HS6ST3: variants seen among roughly 807,000 people sequenced by gnomAD.
HS6ST3 encodes the protein heparan sulfate 6-O-sulfotransferase 3, also known as heparan-sulfate 6-O-sulfotransferase 3.
Under a neutral mutation model 36.7 loss-of-function variants are expected in HS6ST3, and 12 were observed. The observed-to-expected ratio is 0.33, with a 90% CI of 0.21 to 0.53. The LOEUF (loss-of-function observed/expected upper bound fraction) is 0.53, where lower values mean the gene tolerates loss of function less well. Among genes scored for constraint, HS6ST3 ranks in the 20% least tolerant of loss-of-function variants. HS6ST3 has a pLI of 0.95. For missense variants in HS6ST3, 584 were observed against 640.9 expected (o/e 0.91, Z 0.96); for synonymous variants, 240 against 257.5 (o/e 0.93, Z 0.65).
intron 1 of HS6ST3, among the ~76,000 whole-genome samples, chr13:96,746,652 T>G (rs1354526330): frequency 6.6e-6 from 1 of 152,116 alleles, no homozygotes; most frequent in Non-Finnish European, 1.5e-5. Flanking sequence ...GAGTCATGAA[T>G]ATTAATAATC....
At chr13:96,138,047 C>T (rs1280455765) in intron 1 of HS6ST3, among the ~76,000 whole-genome samples, 1 of 152,136 alleles carries the variant, frequency 6.6e-6, no homozygotes, top group African/African-American at 2.4e-5. Context: ...ATTTTGCCCC[C>T]AATACTTTTA....
chr13:96,572,198 G>A (rs2056303251), intron 1 of HS6ST3, among the ~76,000 whole-genome samples: 1 of 152,128 alleles, frequency 6.6e-6, no homozygotes, highest in Admixed American at 6.5e-5. Flanking sequence ...GATATGTTGG[G>A]ACACAAACTA....
chr13:96,391,754 A>G (rs113937665), intron 1 of HS6ST3, among the ~76,000 whole-genome samples: 1 of 152,156 alleles, frequency 6.6e-6, no homozygotes, highest in Non-Finnish European at 1.5e-5. Context: ...TGAAACCCAC[A>G]CACTATCACA....
intron 1 of HS6ST3, among the ~76,000 whole-genome samples, chr13:96,372,001 G>C (rs909121478): frequency 5.3e-5 from 8 of 152,196 alleles, no homozygotes; most frequent in African/African-American, 1.9e-4. Flanking sequence ...ATATGTATCC[G>C]GGGTGGGATT....
At chr13:96,723,001 G>A (rs910049182) in intron 1 of HS6ST3, among the ~76,000 whole-genome samples, 1 of 151,508 alleles carries the variant, frequency 6.6e-6, no homozygotes, top group African/African-American at 2.4e-5. Flanking sequence ...GTGTGTGTGT[G>A]TGTGTGTGTG....
intron 1 of HS6ST3, among the ~76,000 whole-genome samples, chr13:96,477,656 G>A (rs2055870540): frequency 6.6e-6 from 1 of 152,096 alleles, no homozygotes; most frequent in Non-Finnish European, 1.5e-5. Flanking sequence ...CATCACTTGA[G>A]GTCAGGAGTT....
chr13:96,733,078 A>T (rs1876200865), intron 1 of HS6ST3, among the ~76,000 whole-genome samples: 2 of 152,288 alleles, frequency 1.3e-5, no homozygotes, highest in South Asian at 4.1e-4. Context: ...TTACCTGCAA[A>T]CAGGGACAGT....
At chr13:96,512,025 C>A (rs2056051907) in intron 1 of HS6ST3, among the ~76,000 whole-genome samples, 1 of 152,102 alleles carries the variant, frequency 6.6e-6, no homozygotes, top group Non-Finnish European at 1.5e-5. Context: ...AAAATTACAT[C>A]TAGAAACTCC....
chr13:96,307,494 G>A (rs1042408929), intron 1 of HS6ST3, among the ~76,000 whole-genome samples: 15 of 151,910 alleles, frequency 9.9e-5, no homozygotes, highest in Admixed American at 7.2e-4. Context: ...AAAAACTGCC[G>A]AGGTATATTT....
intron 1 of HS6ST3, among the ~76,000 whole-genome samples, chr13:96,585,052 G>A (rs1335545814): frequency 1.3e-5 from 2 of 152,306 alleles, no homozygotes; most frequent in Middle Eastern, 3.4e-3. Context: ...TCAATGGGAA[G>A]TTACTGAGGA....
intron 1 of HS6ST3, among the ~76,000 whole-genome samples, chr13:96,613,300 A>G (rs949700554): frequency 2.6e-5 from 4 of 152,228 alleles, no homozygotes; most frequent in Non-Finnish European, 5.9e-5. Flanking sequence ...ATAGGTGGTA[A>G]CATTTCCATT....
rs1206409314 is a variant in HS6ST3, at chr13:96,833,899, G to A, written c.*701G>A. 1 of 152,192 alleles carries A rather than the reference G, an allele frequency of 6.6e-6. No homozygotes were observed. The highest frequency in any genetic ancestry group is 1.9e-4 in the East Asian group (1 of 5,192). The allele number at this position is 152,192 out of a possible 1,614,324, so 9.4% of individuals were successfully genotyped here. On this transcript the variant is annotated 3_prime_UTR_variant, in exon 2 of 2. Transcript: ENST00000376705. ...AACGGGGAGTGGATCCAGGACAGGG[G>A]AGGTTGTAACCCCTGAGAAATGAAC...
chr13:96,747,099 G>A (rs1056021751), intron 1 of HS6ST3, among the ~76,000 whole-genome samples: 1 of 152,064 alleles, frequency 6.6e-6, no homozygotes, highest in Non-Finnish European at 1.5e-5. Flanking sequence ...CCATCCAGAA[G>A]GGCTAAGTGA....
At chr13:96,768,865 A>C (rs1271413434) in intron 1 of HS6ST3, among the ~76,000 whole-genome samples, 1 of 152,052 alleles carries the variant, frequency 6.6e-6, no homozygotes, top group Non-Finnish European at 1.5e-5. Flanking sequence ...CATACTTCAG[A>C]AACTTTACCA....
rs547780121 is a variant in HS6ST3 at position 96,336,732 on chromosome 13, G to A, written c.707+245163G>A. Reference sequence around the variant, plus strand: ...TCACCTAGTCTGTGATATTTATTACGGTAGCCCTAGCAGACTAATATATTG... The same window carrying A: ...TCACCTAGTCTGTGATATTTATTACAGTAGCCCTAGCAGACTAATATATTG... On this transcript the variant is annotated intron_variant, in intron 1 of 1. Transcript: ENST00000376705. Among the ~76,000 whole-genome samples the A allele has an allele frequency of 8.2e-4, 125 of 152,228 alleles. 1 individual carries two copies. Among genetic ancestry groups the A allele is most frequent in the African/African-American group, 2.6e-3 (110 of 41,544 alleles).
intron 1 of HS6ST3, among the ~76,000 whole-genome samples, chr13:96,680,429 A>G (rs2056714437): frequency 6.6e-6 from 1 of 152,156 alleles, no homozygotes; most frequent in Non-Finnish European, 1.5e-5. Context: ...ATGAATTTAA[A>G]CTAAGTGTCA....
intron 1 of HS6ST3, among the ~76,000 whole-genome samples, chr13:96,500,789 C>T (rs548657194): frequency 2.6e-5 from 4 of 152,212 alleles, no homozygotes; most frequent in South Asian, 2.1e-4. Flanking sequence ...ATAGATGTAA[C>T]GATACTGCCC....
At chr13:96,245,425 G>A (rs2054580124) in intron 1 of HS6ST3, among the ~76,000 whole-genome samples, 1 of 152,120 alleles carries the variant, frequency 6.6e-6, no homozygotes, top group Non-Finnish European at 1.5e-5. Flanking sequence ...GACAATTTAA[G>A]GTAATAGCTG....
chr13:96,621,362 G>A (rs751829855), intron 1 of HS6ST3, among the ~76,000 whole-genome samples: 4 of 152,140 alleles, frequency 2.6e-5, no homozygotes, highest in Non-Finnish European at 4.4e-5. Context: ...AGATCTGATG[G>A]TTTTTAAAAT....
Sources: gnomAD v4.1 joint callset for allele counts (sites outside exome capture counted in the v4.1 genomes callset) on GRCh38, gnomAD v4.1.1 for gene constraint, MANE v1.5 for transcripts, NCBI Gene and HGNC (gene_info 2026-07-23, HGNC 2026-07-21) for gene names.